The following INHBC variants were observed in gnomAD, a reference collection of about 807,000 sequenced individuals.
INHBC encodes inhibin subunit beta C.
INHBC carries 10 observed loss-of-function variants against 12.4 expected under a neutral mutation model. The ratio of observed to expected loss-of-function variants is 0.81; its 90% CI spans 0.50 to 1.37. INHBC has a LOEUF of 1.37. Ranked by LOEUF, INHBC falls within the 40% of genes most tolerant of loss-of-function variation. The pLI is 0.00. For synonymous variants in INHBC, 147 were observed against 171.6 expected, an observed-to-expected ratio of 0.86 and a Z score of 1.12; for missense variants, 382 against 439.4, an observed-to-expected ratio of 0.87 and a Z score of 1.17.
Position 57,434,845 on chromosome 12 carries a change from G to T in INHBC, c.-42G>T. 1 of 1,557,720 alleles carries T rather than the reference G, an allele frequency of 6.4e-7. No homozygotes were observed. The highest frequency in any genetic ancestry group is 1.2e-5 in the South Asian group (1 of 82,816). ...TTGAGACCACAGCTGTTGAGACCCT[G>T]AGCCCTGAGTCTGTATTGCTCAAGA... is the stretch of plus-strand genomic sequence containing the variant. On this transcript the variant is annotated 5_prime_UTR_variant, in exon 1 of 2. Coordinates refer to ENST00000309668, the MANE Select transcript of INHBC (RefSeq NM_005538.4).
At position 57,449,398 on chromosome 12, in the gene INHBC, T is replaced by G; in HGVS notation, c.435T>G (p.Thr145=). The change falls in exon 2 of 2, where the codon ACT becomes ACG. Residue 145 remains threonine (T), a synonymous_variant. Coordinates refer to ENST00000309668, the MANE Select transcript of INHBC (RefSeq NM_005538.4). ...MFFVQLPSNT[T]WTLKVRVLVL... is the part of the protein sequence containing the mutation. ...TTGTGCAGCTCCCTTCCAATACCACTTGGACCTTGAAAGTGAGAGTCCTTG... is the reference window on the plus strand; with the variant it reads ...TTGTGCAGCTCCCTTCCAATACCACGTGGACCTTGAAAGTGAGAGTCCTTG... 1 of 1,614,198 alleles carries G rather than the reference T, an allele frequency of 6.2e-7. No individual in the cohort carries two copies. Among genetic ancestry groups the G allele is most frequent in the East Asian group, 2.2e-5 (1 of 44,890 alleles).
chr12:57,441,420 G>A (rs1310979573), intron 1 of INHBC, among the ~76,000 whole-genome samples: 1 of 149,996 alleles, frequency 6.7e-6, no homozygotes, highest in Non-Finnish European at 1.5e-5. Flanking sequence ...AGCTACTGGG[G>A]AGGCTGAGGC....
At chr12:57,438,955 T>G (rs1870403765) in intron 1 of INHBC, among the ~76,000 whole-genome samples, 1 of 152,162 alleles carries the variant, frequency 6.6e-6, no homozygotes, top group East Asian at 1.9e-4. Context: ...TAGCGCTGGC[T>G]TATTCAGACT....
intron 1 of INHBC, among the ~76,000 whole-genome samples, chr12:57,445,448 G>T (rs1566550830): frequency 6.6e-6 from 1 of 152,222 alleles, no homozygotes; most frequent in Non-Finnish European, 1.5e-5. Context: ...ATTATATTAT[G>T]AATTAGAAGT....
intron 1 of INHBC, among the ~76,000 whole-genome samples, chr12:57,447,884 AAAAAAAAAATATATATATATATAT>A (rs1870615380): frequency 1.4e-5 from 1 of 72,264 alleles, no homozygotes; most frequent in African/African-American, 4.2e-5. Flanking sequence ...AAAAAAAAAA[AAAAAAAAAATATATATATATATAT>A]ATATATATAT....
Position 57,449,625 on chromosome 12 carries a change from T to C in INHBC, c.662T>C (p.Val221Ala). 1 of 1,614,232 alleles carries C rather than the reference T, an allele frequency of 6.2e-7. No homozygotes were observed. The highest frequency in any genetic ancestry group is 8.5e-7 in the Non-Finnish European group (1 of 1,180,030). ...ILGGAAHRPF[V>A]AARVRVGGKH... Reference sequence around the variant, plus strand: ...GGTGGAGCTGCCCATAGGCCTTTTGTGGCAGCCCGGGTGAGAGTTGGGGGC... The same window carrying C: ...GGTGGAGCTGCCCATAGGCCTTTTGCGGCAGCCCGGGTGAGAGTTGGGGGC... Residue 221 changes from valine (V) to alanine (A), a missense_variant, in exon 2 of 2, where the codon GTG becomes GCG. Transcript: ENST00000309668.
chr12:57,444,530 G>C (rs934028931), intron 1 of INHBC, among the ~76,000 whole-genome samples: 1 of 140,930 alleles, frequency 7.1e-6, no homozygotes, highest in African/African-American at 2.7e-5. Context: ...GACAGAGCAA[G>C]ACTCTGTCTC....
intron 1 of INHBC, among the ~76,000 whole-genome samples, chr12:57,445,771 C>G (rs954345105): frequency 1.6e-5 from 2 of 128,780 alleles, no homozygotes; most frequent in African/African-American, 5.7e-5. Flanking sequence ...GACAGAATCT[C>G]GCTCTGTCAT....
chr12:57,435,136 CA>C lies in INHBC; in HGVS notation c.251del (p.Gln84ArgfsTer5), dbSNP rs749749329. The C allele has an allele frequency of 6.2e-7, 1 of 1,614,192 alleles. No individual in the cohort carries two copies. Among genetic ancestry groups the C allele is most frequent in the Non-Finnish European group, 8.5e-7 (1 of 1,180,032 alleles). Reference protein sequence around the residue: ...TALQHLHGVPQGALLEDNREQ... With the variant: ...TALQHLHGVPXGALLEDNREQ... ...ACTGCAGCACCTCCACGGGGTCCCA[CA>C]GGGGGCACTTCTAGAGGACAACAGG... On this transcript the variant is annotated frameshift_variant, in exon 1 of 2. Transcript: ENST00000309668. LOFTEE classifies it high-confidence loss of function.
rs1307886832 is a variant in INHBC, at chr12:57,449,572, C to G, written c.609C>G (p.Gly203=). ...GHLTLELVLE[G]QVAQSSVILG... is the part of the protein sequence containing the mutation. Reference sequence around the variant, plus strand: ...TGACCCTGGAGCTGGTACTTGAAGGCCAGGTAGCCCAGAGCTCAGTCATCC... The same window carrying G: ...TGACCCTGGAGCTGGTACTTGAAGGGCAGGTAGCCCAGAGCTCAGTCATCC... Residue 203 remains glycine, a synonymous_variant, in exon 2 of 2, where the codon GGC becomes GGG. Transcript: ENST00000309668. The G allele has an allele frequency of 1.9e-6, 3 of 1,614,236 alleles. No individual in the cohort carries two copies. Among genetic ancestry groups the G allele is most frequent in the Non-Finnish European group, 2.5e-6 (3 of 1,180,038 alleles).
At chr12:57,437,342 G>T (rs971990410) in intron 1 of INHBC, among the ~76,000 whole-genome samples, 2 of 152,168 alleles carry the variant, frequency 1.3e-5, no homozygotes, top group African/African-American at 4.8e-5. Context: ...TATATAGTGA[G>T]CAGATCAGGA....
intron 1 of INHBC, among the ~76,000 whole-genome samples, chr12:57,435,476 G>T (rs1453960221): frequency 2.6e-5 from 4 of 152,120 alleles, no homozygotes; most frequent in Admixed American, 2.6e-4. Context: ...CTCTCTGCAG[G>T]CCCCACAAAC....
In INHBC at chr12:57,449,581, C is replaced by CCAGA. The variant is rs758272731; in HGVS notation, c.619_622dup (p.Ser208ThrfsTer12). 3.1e-6 allele frequency: 5 copies of CCAGA among 1,614,106 alleles called. No homozygotes were observed. In the South Asian group the frequency reaches 5.5e-5, roughly 18 times the overall value. ...AGCTGGTACTTGAAGGCCAGGTAGCCCAGAGCTCAGTCATCCTGGGTGGAG... is the reference window on the plus strand; with the variant it reads ...AGCTGGTACTTGAAGGCCAGGTAGCCCAGACAGAGCTCAGTCATCCTGGGTGGAG... On this transcript the variant is annotated frameshift_variant, in exon 2 of 2. Coordinates refer to ENST00000309668, the MANE Select transcript of INHBC (RefSeq NM_005538.4). LOFTEE classifies it high-confidence loss of function.
rs962751518 is a variant in INHBC at position 57,451,452 on chromosome 12, G to C, written c.*1430G>C. Among the ~76,000 whole-genome samples the C allele has an allele frequency of 1.3e-5, 2 of 152,212 alleles. No homozygotes were observed. The highest frequency in any genetic ancestry group is 4.8e-5 in the African/African-American group (2 of 41,446). On this transcript the variant is annotated 3_prime_UTR_variant, in exon 2 of 2. Coordinates refer to ENST00000309668, the MANE Select transcript of INHBC (RefSeq NM_005538.4). ...GAAGAGGAAGGCCTGGATGAGGAGA[G>C]GGTGGCATTTGCTCTGAGACTGGGT...
At chr12:57,443,325 C>T (rs1870508572) in intron 1 of INHBC, among the ~76,000 whole-genome samples, 1 of 151,628 alleles carries the variant, frequency 6.6e-6, no homozygotes, top group Admixed American at 6.6e-5. Context: ...ACTCTTGTTG[C>T]CCAGGCTGGA....
intron 1 of INHBC, among the ~76,000 whole-genome samples, chr12:57,448,606 A>G (rs1432695022): frequency 6.6e-6 from 1 of 151,656 alleles, no homozygotes; most frequent in Non-Finnish European, 1.5e-5. Context: ...TTGCTTGACC[A>G]TGAGTCTAAT....
chr12:57,442,600 G>A (rs1870488796), intron 1 of INHBC, among the ~76,000 whole-genome samples: 2 of 152,150 alleles, frequency 1.3e-5, no homozygotes, highest in African/African-American at 4.8e-5. Context: ...TAACAAGGAG[G>A]CAGAAGTAGT....
intron 1 of INHBC, among the ~76,000 whole-genome samples, chr12:57,448,328 T>G (rs995853999): frequency 7.9e-5 from 12 of 152,012 alleles, no homozygotes; most frequent in African/African-American, 2.9e-4. Context: ...CCCAGCACTT[T>G]GGGAGACTGA....
At chr12:57,447,922 T>TATATATATATATATATAA (rs1324931217) in intron 1 of INHBC, among the ~76,000 whole-genome samples, 2 of 75,620 alleles carry the variant, frequency 2.6e-5, no homozygotes, top group Non-Finnish European at 5.0e-5. Flanking sequence ...TATATATATA[T>TATATATATATATATATAA]AAAATATATG....
Sources: gnomAD v4.1 joint callset for allele counts (sites outside exome capture counted in the v4.1 genomes callset) on GRCh38, gnomAD v4.1.1 for gene constraint, MANE v1.5 for transcripts, NCBI Gene and HGNC (gene_info 2026-07-23, HGNC 2026-07-21) for gene names.